Variants in CLSTN2 observed in about 807,000 individuals in gnomAD.
CLSTN2 encodes calsyntenin-2.
CLSTN2 carries 48 observed loss-of-function variants against 101.2 expected under a neutral mutation model. That is an observed-to-expected ratio of 0.47 (90% CI 0.38 to 0.60). CLSTN2 has a LOEUF of 0.60. CLSTN2 is among the 20% of genes least tolerant of loss of function. CLSTN2 has a pLI of 0.00. For missense variants in CLSTN2, 1,160 were observed against 1,238.2 expected, an observed-to-expected ratio of 0.94 and a Z score of 0.95; for synonymous variants, 481 against 463.6, an observed-to-expected ratio of 1.04 and a Z score of -0.48.
chr3:140,343,937 T>A (rs1368208547), intron 2 of CLSTN2, among the ~76,000 whole-genome samples: 6 of 152,202 alleles, frequency 3.9e-5, no homozygotes, highest in Non-Finnish European at 7.3e-5. Context: ...CTCAGAACTG[T>A]GCTAGGTGCC....
intron 10 of CLSTN2, among the ~76,000 whole-genome samples, chr3:140,554,203 A>G (rs1935757769): frequency 6.6e-6 from 1 of 152,194 alleles, no homozygotes; most frequent in African/African-American, 2.4e-5. Flanking sequence ...TGAAGTACAC[A>G]TGTGATGGTC....
At chr3:140,167,254 T>C (rs2010148906) in intron 1 of CLSTN2, among the ~76,000 whole-genome samples, 1 of 152,192 alleles carries the variant, frequency 6.6e-6, no homozygotes, top group Admixed American at 6.5e-5. Flanking sequence ...CCAAACTATT[T>C]ACATTTCCCC....
rs1180500187 is a variant in CLSTN2 at position 140,570,823 on chromosome 3, A to G, written c.*4570A>G. 3 of 152,358 alleles carry G rather than the reference A, an allele frequency of 2.0e-5. No homozygotes were observed. Among genetic ancestry groups the G allele is most frequent in the Non-Finnish European group, 4.4e-5 (3 of 68,040 alleles). The allele number at this position is 152,358 out of a possible 1,614,324, so 9.4% of individuals were successfully genotyped here. A position where few individuals can be genotyped will look rare whatever the true frequency, so the allele number is the denominator to read the frequency against. On this transcript the variant is annotated 3_prime_UTR_variant, in exon 17 of 17. Coordinates refer to ENST00000458420, the MANE Select transcript of CLSTN2 (RefSeq NM_022131.3). ...AGTTTGGCAACCCGTACCATACACC[A>G]TGGAAGTTAGCCTTCCACCTCAGGA...
At chr3:139,955,412 G>GGGT (rs1460911201) in intron 1 of CLSTN2, among the ~76,000 whole-genome samples, 1 of 151,998 alleles carries the variant, frequency 6.6e-6, no homozygotes, top group Non-Finnish European at 1.5e-5. Context: ...TGGTGTTTAG[G>GGGT]TTATCCATTG....
intron 2 of CLSTN2, among the ~76,000 whole-genome samples, chr3:140,243,397 G>A (rs1243792296): frequency 6.6e-6 from 1 of 152,220 alleles, no homozygotes; most frequent in Non-Finnish European, 1.5e-5. Context: ...TCTTTATAAA[G>A]GGGTCTTGGT....
intron 2 of CLSTN2, among the ~76,000 whole-genome samples, chr3:140,281,423 C>T (rs1444725136): frequency 6.6e-6 from 1 of 152,160 alleles, no homozygotes; most frequent in Non-Finnish European, 1.5e-5. Flanking sequence ...TGTGGGGCAG[C>T]TGGTACCTGG....
chr3:140,321,189 C>G (rs1167963688), intron 2 of CLSTN2, among the ~76,000 whole-genome samples: 4 of 152,120 alleles, frequency 2.6e-5, no homozygotes, highest in Non-Finnish European at 5.9e-5. Flanking sequence ...GCAGCTTGTT[C>G]CAGGAAAAGG....
chr3:140,485,054 A>G (rs1409411078), intron 8 of CLSTN2, among the ~76,000 whole-genome samples: 1 of 152,072 alleles, frequency 6.6e-6, no homozygotes, highest in African/African-American at 2.4e-5. Flanking sequence ...TAGAGTTTCC[A>G]GTTTTTGTGC....
At chr3:140,461,732 G>A (rs1933567452) in intron 7 of CLSTN2, among the ~76,000 whole-genome samples, 1 of 152,016 alleles carries the variant, frequency 6.6e-6, no homozygotes, top group Non-Finnish European at 1.5e-5. Flanking sequence ...GGGAAGCCAT[G>A]GCTGAACTTG....
At chr3:140,486,053 A>G (rs1471913314) in intron 8 of CLSTN2, among the ~76,000 whole-genome samples, 1 of 152,138 alleles carries the variant, frequency 6.6e-6, no homozygotes, top group Non-Finnish European at 1.5e-5. Context: ...CGAGAGCTGT[A>G]GAATGGAGCT....
intron 2 of CLSTN2, among the ~76,000 whole-genome samples, chr3:140,261,071 C>T (rs981715165): frequency 6.6e-6 from 1 of 152,066 alleles, no homozygotes; most frequent in African/African-American, 2.4e-5. Context: ...TGTTAGGTCT[C>T]CTCGCTATAA....
At chr3:140,117,644 T>C (rs1206196994) in intron 1 of CLSTN2, among the ~76,000 whole-genome samples, 2 of 152,198 alleles carry the variant, frequency 1.3e-5, no homozygotes, top group African/African-American at 4.8e-5. Flanking sequence ...TTCCTTTTAA[T>C]GGAAATTGCA....
At chr3:139,966,119 C>T (rs919675873) in intron 1 of CLSTN2, among the ~76,000 whole-genome samples, 1 of 152,110 alleles carries the variant, frequency 6.6e-6, no homozygotes, top group Admixed American at 6.5e-5. Flanking sequence ...GACCTGGGCT[C>T]CACAGGGCCA....
intron 9 of CLSTN2, among the ~76,000 whole-genome samples, chr3:140,536,746 C>T (rs1180639076): frequency 6.6e-6 from 1 of 152,164 alleles, no homozygotes; most frequent in Non-Finnish European, 1.5e-5. Flanking sequence ...GAATGTCTAA[C>T]AGTTCACTAG....
intron 8 of CLSTN2, among the ~76,000 whole-genome samples, chr3:140,500,267 G>A (rs188904184): frequency 6.6e-6 from 1 of 152,168 alleles, no homozygotes; most frequent in East Asian, 1.9e-4. Context: ...TCAGAGGCTG[G>A]TCCAAAAAGC....
chr3:140,284,138 G>C (rs1677648889), intron 2 of CLSTN2, among the ~76,000 whole-genome samples: 1 of 152,166 alleles, frequency 6.6e-6, no homozygotes, highest in African/African-American at 2.4e-5. Context: ...GATACTCACT[G>C]TTGAAATAAA....
intron 5 of CLSTN2, among the ~76,000 whole-genome samples, chr3:140,431,470 A>G (rs1327027122): frequency 6.6e-6 from 1 of 152,122 alleles, no homozygotes; most frequent in African/African-American, 2.4e-5. Flanking sequence ...CTTCCATTCA[A>G]TAGGACAGCA....
chr3:140,206,260 C>T (rs963101437), intron 2 of CLSTN2, among the ~76,000 whole-genome samples: 1 of 152,132 alleles, frequency 6.6e-6, no homozygotes, highest in African/African-American at 2.4e-5. Flanking sequence ...TTCTCCTTCT[C>T]CAGAGTGCAG....
At chr3:140,489,223 A>C (rs1934294756) in intron 8 of CLSTN2, among the ~76,000 whole-genome samples, 1 of 152,072 alleles carries the variant, frequency 6.6e-6, no homozygotes, top group Non-Finnish European at 1.5e-5. Flanking sequence ...GGGTGCAGGG[A>C]AGGGGCTTCT....
Sources: gnomAD v4.1 joint callset for allele counts (sites outside exome capture counted in the v4.1 genomes callset) on GRCh38, gnomAD v4.1.1 for gene constraint, MANE v1.5 for transcripts, NCBI Gene and HGNC (gene_info 2026-07-23, HGNC 2026-07-21) for gene names.